The following RBFOX1 variants were observed in gnomAD, a reference collection of about 807,000 sequenced individuals.
The protein encoded by RBFOX1 is RNA binding fox-1 homolog 1, also known as RNA binding protein fox-1 homolog 1.
Under a neutral mutation model 57.7 loss-of-function variants are expected in RBFOX1, and 8 were observed. That is an observed-to-expected ratio of 0.14 (90% CI 0.08 to 0.25). RBFOX1 has a LOEUF of 0.25. Among genes scored for constraint, RBFOX1 ranks in the 10% least tolerant of loss-of-function variants. The probability of loss-of-function intolerance (pLI) is 1.00; values close to 1 mark genes in which losing one functional copy is unlikely to be tolerated. For missense variants in RBFOX1, 611 were observed against 548.5 expected (o/e 1.11, Z -1.14); for synonymous variants, 326 against 222.4 (o/e 1.47, Z -4.15).
intron 4 of RBFOX1, among the ~76,000 whole-genome samples, chr16:7,299,594 G>A (rs1182339908): frequency 6.6e-6 from 1 of 152,350 alleles, no homozygotes; most frequent in African/African-American, 2.4e-5. Context: ...TTTGAGCACT[G>A]CCAAAATCCT....
At chr16:6,867,148 C>G (rs1189705237) in intron 3 of RBFOX1, among the ~76,000 whole-genome samples, 1 of 152,088 alleles carries the variant, frequency 6.6e-6, no homozygotes, top group African/African-American at 2.4e-5. Context: ...TGGAGATGTA[C>G]TAAGTGCAGA....
intron 3 of RBFOX1, among the ~76,000 whole-genome samples, chr16:6,672,067 G>C (rs543558752): frequency 1.3e-5 from 2 of 152,330 alleles, no homozygotes; most frequent in African/African-American, 2.4e-5. Context: ...CCATCCGATA[G>C]TTGTTAATCA....
chr16:7,619,290 A>C (rs2058941305), intron 10 of RBFOX1, among the ~76,000 whole-genome samples: 1 of 152,138 alleles, frequency 6.6e-6, no homozygotes. Flanking sequence ...ATTGAAATCC[A>C]CCCTATTCTC....
rs541691378 is a variant in RBFOX1, at chr16:6,785,191, A to G, written c.-16+130541A>G. On this transcript the variant is annotated intron_variant, in intron 3 of 15. Transcript: ENST00000550418. Reference sequence around the variant, plus strand: ...CTACGAGATCTGGTCTGCTCTGGAGAAAAAAAATGACAAAGGAGAGAATTT... The same window carrying G: ...CTACGAGATCTGGTCTGCTCTGGAGGAAAAAAATGACAAAGGAGAGAATTT... Among the ~76,000 whole-genome samples, 96 of 152,114 alleles carry G rather than the reference A, an allele frequency of 6.3e-4. 1 individual carries two copies. Among genetic ancestry groups the G allele is most frequent in the Middle Eastern group, 6.8e-3 (2 of 294 alleles).
chr16:5,865,534 T>C (rs2057325586), intron 3 of RBFOX1, among the ~76,000 whole-genome samples: 2 of 152,204 alleles, frequency 1.3e-5, no homozygotes, highest in African/African-American at 2.4e-5. Flanking sequence ...AGCTGCTCCA[T>C]GGACAGCGAG....
chr16:6,032,640 A>G (rs2095306960), intron 1 of RBFOX1, among the ~76,000 whole-genome samples: 1 of 152,174 alleles, frequency 6.6e-6, no homozygotes, highest in South Asian at 2.1e-4. Flanking sequence ...ATGCCAGCAG[A>G]TGTCAGTGTG....
chr16:6,506,897 C>G lies in RBFOX1; in HGVS notation c.-63-147706C>G, dbSNP rs953655256. On this transcript the variant is annotated intron_variant, in intron 2 of 15. Coordinates refer to ENST00000550418, the MANE Select transcript of RBFOX1 (RefSeq NM_018723.4). Reference sequence around the variant, plus strand: ...TCCTGACCTCAAGTGATCCACCTGCCTTGGCCTCCCAAAGTGCTGGGGTTA... The same window carrying G: ...TCCTGACCTCAAGTGATCCACCTGCGTTGGCCTCCCAAAGTGCTGGGGTTA... Among the ~76,000 whole-genome samples, 3 of 152,132 alleles carry G rather than the reference C, an allele frequency of 2.0e-5. No individual in the cohort carries two copies. In the East Asian group the frequency reaches 5.8e-4, roughly 29 times the overall value.
Position 5,894,248 on chromosome 16 carries a change from A to C in RBFOX1, c.351+26913A>C, listed in dbSNP as rs190987902. ...TTTTTAAATTGAGGTGGACTCGTAGAATCAAACATAATTAAAACAATTCAA... is the reference window on the plus strand; with the variant it reads ...TTTTTAAATTGAGGTGGACTCGTAGCATCAAACATAATTAAAACAATTCAA... On this transcript the variant is annotated intron_variant, in intron 4 of 19. Coordinates refer to the RBFOX1 transcript ENST00000641259. Among the ~76,000 whole-genome samples, 502 of 152,328 alleles carry C rather than the reference A, an allele frequency of 3.3e-3. 1 individual carries two copies. The highest frequency in any genetic ancestry group is 0.011 in the African/African-American group (463 of 41,576).
At chr16:5,253,711 T>C (rs2062513979) in intron 1 of RBFOX1, among the ~76,000 whole-genome samples, 1 of 152,244 alleles carries the variant, frequency 6.6e-6, no homozygotes, top group African/African-American at 2.4e-5. Context: ...TTGCAAGTCC[T>C]GTATGAGGTG....
chr16:7,611,189 A>C (rs1437333237), intron 10 of RBFOX1, among the ~76,000 whole-genome samples: 1 of 152,238 alleles, frequency 6.6e-6, no homozygotes, highest in Non-Finnish European at 1.5e-5. Flanking sequence ...AAAAGTTCAC[A>C]TATTTTGTAA....
intron 1 of RBFOX1, among the ~76,000 whole-genome samples, chr16:6,120,158 G>C (rs1182306698): frequency 4.6e-5 from 7 of 152,176 alleles, no homozygotes; most frequent in Admixed American, 4.6e-4. Flanking sequence ...CCACTGTATG[G>C]ATAGACTATG....
At chr16:7,047,304 T>C (rs559552910) in intron 3 of RBFOX1, among the ~76,000 whole-genome samples, 6 of 152,188 alleles carry the variant, frequency 3.9e-5, no homozygotes, top group Non-Finnish European at 8.8e-5. Flanking sequence ...GATATTTTCA[T>C]TGGATGTAGT....
chr16:5,750,381 C>G (rs2079736), intron 3 of RBFOX1, among the ~76,000 whole-genome samples: 3,918 of 152,280 alleles, frequency 0.026, 144 homozygotes, highest in African/African-American at 0.089. Flanking sequence ...AGAACTAGTA[C>G]TCTCTTCAAA....
At chr16:6,812,343 A>G (rs115479605) in intron 3 of RBFOX1, among the ~76,000 whole-genome samples, 1,807 of 152,264 alleles carry the variant, frequency 0.012, 42 homozygotes, top group African/African-American at 0.041. Context: ...CAAAGTGCCA[A>G]TTAGCACTGC....
At chr16:6,573,786 C>G (rs1281032366) in intron 2 of RBFOX1, 1 of 152,156 alleles carries the variant, frequency 6.6e-6, no homozygotes, top group East Asian at 1.9e-4. Flanking sequence ...CGCTGGCTGC[C>G]GTTCACAGCA....
intron 3 of RBFOX1, among the ~76,000 whole-genome samples, chr16:6,975,671 A>G (rs1251741871): frequency 2.6e-5 from 4 of 152,202 alleles, no homozygotes; most frequent in Non-Finnish European, 5.9e-5. Context: ...TTTCAGCCCA[A>G]GTTCATAAAT....
rs749912987 is a variant in RBFOX1 at position 7,630,625 on chromosome 16, C to T, written c.699C>T (p.Ala233=). 1 of 1,614,146 alleles carries T rather than the reference C, an allele frequency of 6.2e-7. No homozygotes were observed. Among genetic ancestry groups the T allele is most frequent in the Non-Finnish European group, 8.5e-7 (1 of 1,180,034 alleles). ...FYAGTVLLCQ[A]NQEGSSMYSA... ...TAGGCACGGTCCTGTTGTGCCAGGC[C>T]AACCAGGAGGGATCTTCCATGTACA... The change falls in exon 11 of 16, where the codon GCC becomes GCT. Residue 233 remains alanine, a synonymous_variant. Transcript: ENST00000550418.
intron 4 of RBFOX1, among the ~76,000 whole-genome samples, chr16:7,388,511 A>G (rs1597188690): frequency 1.3e-5 from 2 of 152,202 alleles, no homozygotes; most frequent in East Asian, 3.9e-4. Context: ...AACTTGTTTC[A>G]TCCCCTTCCC....
intron 2 of RBFOX1, among the ~76,000 whole-genome samples, chr16:6,434,203 T>C (rs1446192586): frequency 2.0e-5 from 3 of 152,054 alleles, no homozygotes; most frequent in Non-Finnish European, 4.4e-5. Flanking sequence ...CGGAATAATC[T>C]CCCCAGCTCA....
Sources: allele counts gnomAD v4.1 joint callset (sites outside exome capture counted in the v4.1 genomes callset), GRCh38; gene constraint gnomAD v4.1.1; transcripts MANE v1.5; gene names NCBI Gene and HGNC (gene_info 2026-07-23, HGNC 2026-07-21).